AP3B2: variants seen among roughly 807,000 people sequenced by gnomAD.
The protein encoded by AP3B2 is AP-3 complex subunit beta-2.
In AP3B2, 50 loss-of-function variants were observed where a neutral mutation model predicts 126.9. That is an observed-to-expected ratio of 0.39 (90% CI 0.31 to 0.50). The LOEUF is 0.50. Among genes scored for constraint, AP3B2 ranks in the 20% least tolerant of loss-of-function variants. The pLI, the probability that AP3B2 is intolerant of heterozygous loss-of-function variation, is 0.79. For synonymous variants in AP3B2, 541 were observed against 565.0 expected (o/e 0.96, Z 0.60); for missense variants, 1,177 against 1,426.4 (o/e 0.83, Z 2.82).
chr15:82,677,827 C>T (rs777779923), intron 11 of AP3B2, 24 bp from the exon 12 acceptor site: 28 of 1,569,686 alleles, frequency 1.8e-5, no homozygotes, highest in Non-Finnish European at 2.3e-5. Flanking sequence ...CAAAGAAATC[C>T]CTCAGTGACT....
intron 25 of AP3B2, among the ~76,000 whole-genome samples, chr15:82,661,364 G>A (rs966876445): frequency 3.9e-5 from 6 of 152,016 alleles, no homozygotes; most frequent in African/African-American, 9.7e-5. Context: ...CTCCTCCCTT[G>A]CCCAAGCCAC....
chr15:82,689,692 T>C (rs2048491371), intron 1 of AP3B2: 2 of 544,448 alleles, frequency 3.7e-6, no homozygotes, highest in Admixed American at 6.3e-5. Context: ...TCTTAACCCC[T>C]AGTACCTCAG....
intron 14 of AP3B2, among the ~76,000 whole-genome samples, chr15:82,670,307 G>A (rs536648556): frequency 2.0e-5 from 3 of 151,986 alleles, no homozygotes; most frequent in South Asian, 4.1e-4. Context: ...ACAGGGTTTC[G>A]CCATGCTGGC....
At chr15:82,683,400 G>T (rs2151443947) in intron 4 of AP3B2, among the ~76,000 whole-genome samples, 1 of 152,268 alleles carries the variant, frequency 6.6e-6, no homozygotes, top group African/African-American at 2.4e-5. Flanking sequence ...CTCATAAGAA[G>T]CAAGTCCTCA....
rs1005320159 is a variant in AP3B2 at position 82,689,565 on chromosome 15, C to A, written c.114-112G>T. 12 of 986,880 alleles carry A rather than the reference C, an allele frequency of 1.2e-5. No homozygotes were observed. In the Admixed American group the frequency reaches 2.3e-4, roughly 19 times the overall value. The allele number at this position is 986,880 out of a possible 1,614,324, so 61.1% of individuals were successfully genotyped here. On this transcript the variant is annotated intron_variant, in intron 1 of 26. Coordinates refer to ENST00000535359, the MANE Select transcript of AP3B2 (RefSeq NM_001278512.2). ...TGGCCAGGGGAGGCTCAGGCAGGAC[C>A]TGACCCGAGGAGGGACCAGAGCCAG...
At chr15:82,673,519 A>T (rs1478545285) in intron 14 of AP3B2, among the ~76,000 whole-genome samples, 1 of 152,170 alleles carries the variant, frequency 6.6e-6, no homozygotes, top group Non-Finnish European at 1.5e-5. Flanking sequence ...CAGCCTGGAG[A>T]AAATTCTAAG....
At chr15:82,707,015 G>T (rs1014573055) in intron 1 of AP3B2, among the ~76,000 whole-genome samples, 3 of 152,160 alleles carry the variant, frequency 2.0e-5, no homozygotes, top group African/African-American at 7.2e-5. Context: ...TCACTGGATG[G>T]GTAGAGGCCT....
rs1226910164 is a variant in AP3B2 at position 82,700,397 on chromosome 15, C to CTTTTTTTTTTTTTTTTTTTTTTTTTT, written c.113+9196_113+9197insAAAAAAAAAAAAAAAAAAAAAAAAAA. ...CCACTGGCCTGCCAGTGGTGGGTGG[C>CTTTTTTTTTTTTTTTTTTTTTTTTTT]TTTTTTTTTTTTTTTTTTCAGATGG... On this transcript the variant is annotated intron_variant, in intron 1 of 26. Transcript: ENST00000535359. Among the ~76,000 whole-genome samples the CTTTTTTTTTTTTTTTTTTTTTTTTTT allele has an allele frequency of 1.1e-4, 4 of 35,096 alleles. 2 individuals carry two copies. The highest frequency in any genetic ancestry group is 2.0e-4 in the Non-Finnish European group (4 of 19,536). 23.0% of individuals were successfully genotyped at this position (35,096 alleles called of 152,430 possible). A position where few individuals can be genotyped will look rare whatever the true frequency, so the allele number is the denominator to read the frequency against.
Position 82,664,845 on chromosome 15 carries a change from G to A in AP3B2, c.2127C>T (p.Ser709=), listed in dbSNP as rs371390968. The change falls in exon 18 of 27, where the codon TCC becomes TCT. Residue 709 remains serine, a synonymous_variant. Transcript: ENST00000535359. This position sits in a 1 kb window ranked among gnomAD's most constrained non-coding sequence, Gnocchi z 4.5. ...DSEGESGPTE[S]ADSDPESESE... is the part of the protein sequence containing the mutation. The stretch of plus-strand genomic sequence containing the variant: ...CTGCCATCTGCTCACCACTGTCTGC[G>A]GACTCCGTGGGGCCTGACTCCCCCT... 31 of 1,592,488 alleles carry A rather than the reference G, an allele frequency of 1.9e-5. No homozygotes were observed. Among genetic ancestry groups the A allele is most frequent in the Non-Finnish European group, 2.3e-5 (27 of 1,169,112 alleles).
chr15:82,669,936 G>A (rs2048120185), intron 14 of AP3B2, among the ~76,000 whole-genome samples: 2 of 145,500 alleles, frequency 1.4e-5, no homozygotes, highest in South Asian at 4.6e-4. Flanking sequence ...GGGAGGCAGA[G>A]GTTGTGGTGA....
In AP3B2 at chr15:82,659,941, A is replaced by G. The variant is rs1320838616; in HGVS notation, c.3059T>C (p.Leu1020Pro). The G allele has an allele frequency of 3.1e-6, 5 of 1,613,856 alleles. No homozygotes were observed. Among genetic ancestry groups the G allele is most frequent in the Non-Finnish European group, 4.2e-6 (5 of 1,179,888 alleles). Residue 1020 changes from leucine (L) to proline (P), a missense_variant, in exon 26 of 27, where the codon CTG becomes CCG. Physicochemically the swap from Leu to Pro is moderately conservative, Grantham distance 98 (BLOSUM62 -3). Transcript: ENST00000535359. The part of the protein sequence containing the change: ...GMNEITEKLM[L>P]PDTCRSDHIV... ...GTGGTCACTCCGACAGGTGTCTGGC[A>G]GCATGAGTTTCTCTGTGATCTCATT...
At position 82,688,374 on chromosome 15, in the gene AP3B2, G is replaced by A. The variant is rs2151448320; in HGVS notation, c.360+362C>T. On this transcript the variant is annotated intron_variant, in intron 4 of 26. Coordinates refer to ENST00000535359, the MANE Select transcript of AP3B2 (RefSeq NM_001278512.2). ...GCTAAAGGTTGAAATCTACCTGGCT[G>A]TGGACCACAATTCACACCTTTACAC... 3 of 700,334 alleles carry A rather than the reference G, an allele frequency of 4.3e-6. No individual in the cohort carries two copies. The Admixed American group carries it at 6.0e-5, about 14-fold the overall frequency. 43.4% of individuals were successfully genotyped at this position (700,334 alleles called of 1,614,324 possible).
intron 1 of AP3B2, among the ~76,000 whole-genome samples, chr15:82,707,780 C>T (rs1427955396): frequency 6.6e-6 from 1 of 152,140 alleles, no homozygotes; most frequent in Non-Finnish European, 1.5e-5. Context: ...AGGCCATCAC[C>T]AATAATCCTA....
In AP3B2 at chr15:82,659,676, C is replaced by G. The variant is rs959640052; in HGVS notation, c.3190G>C (p.Val1064Leu). Reference sequence around the variant, plus strand: ...GGCCGGGCATCCAGGGTCAGCAGAACGAGGCTTCCACCAGTCAGTGTCCTC... The same window carrying G: ...GGCCGGGCATCCAGGGTCAGCAGAAGGAGGCTTCCACCAGTCAGTGTCCTC... ...AGRTLTGGSLVLLTLDARPAG... is the reference protein window; with the variant it reads ...AGRTLTGGSLLLLTLDARPAG... Residue 1064 changes from valine (V) to leucine (L), a missense_variant, in exon 27 of 27, where the codon GTT becomes CTT. Val to Leu is a conservative substitution (Grantham distance 32). Around this residue, in one of 5 missense-constraint regions of AP3B2, gnomAD observed 587 missense variants for 571.3 expected, o/e 1.03. Transcript: ENST00000535359. 6.2e-7 allele frequency: 1 copy of G among 1,613,872 alleles called. No individual in the cohort carries two copies. The highest frequency in any genetic ancestry group is 1.7e-5 in the Admixed American group (1 of 60,012).
intron 10 of AP3B2, 54 bp downstream of exon 10, chr15:82,679,675 G>A: frequency 6.6e-7 from 1 of 1,522,384 alleles, no homozygotes; most frequent in Non-Finnish European, 9.1e-7. Context: ...TATTTGAGTG[G>A]GTACATGGGG....
chr15:82,663,419 CCT>C, intron 21 of AP3B2, 139 bp downstream of exon 21: 1 of 1,106,196 alleles, frequency 9.0e-7, no homozygotes, highest in Middle Eastern at 2.6e-4. Context: ...GCCCTGCTGC[CCT>C]CTCAGGCCTG....
In AP3B2 at chr15:82,680,307, C is replaced by A; in HGVS notation, c.1056-78G>T. Reference sequence around the variant, plus strand: ...CAGCGGATGAGGGGAAAAGGTGGGGCAAGTCGTTGCGGGGAGAGGACCAGT... The same window carrying A: ...CAGCGGATGAGGGGAAAAGGTGGGGAAAGTCGTTGCGGGGAGAGGACCAGT... On this transcript the variant is annotated intron_variant, in intron 8 of 26. Coordinates refer to ENST00000535359, the MANE Select transcript of AP3B2 (RefSeq NM_001278512.2). This position sits in a 1 kb window ranked among gnomAD's most constrained non-coding sequence, Gnocchi z 6.1. 6.3e-7 allele frequency: 1 copy of A among 1,597,304 alleles called. No homozygotes were observed. The highest frequency in any genetic ancestry group is 1.7e-5 in the Admixed American group (1 of 58,402).
chr15:82,681,156 G>A lies in AP3B2; in HGVS notation c.544C>T (p.Gln182Ter). Residue 182 changes from glutamine to a stop codon, truncating the protein, a stop_gained, in exon 6 of 27, where the codon CAG (glutamine) becomes TAG (stop). Coordinates refer to ENST00000535359, the MANE Select transcript of AP3B2 (RefSeq NM_001278512.2). LOFTEE classifies it high-confidence loss of function. The surrounding 1 kb of genome is among the most constrained non-coding windows in gnomAD (Gnocchi z 4.0). ...LYSLDSDQKDQLIEVIEKLLA... is the reference protein window; with the variant it reads ...LYSLDSDQKD The stretch of plus-strand genomic sequence containing the variant: ...AGCTTCTCAATGACTTCTATCAGCT[G>A]ATCCTTCTGGTCAGAGTCCAAACTG... 6.2e-7 allele frequency: 1 copy of A among 1,612,606 alleles called. No individual in the cohort carries two copies.
Position 82,659,549 on chromosome 15 carries a change from G to C in AP3B2, c.*11C>G. ...ATAGATGGGAGCCAAACAGGTCACAGCATTTGGAAGTCACTGGGTCAGAGC... is the reference window on the plus strand; with the variant it reads ...ATAGATGGGAGCCAAACAGGTCACACCATTTGGAAGTCACTGGGTCAGAGC... On this transcript the variant is annotated 3_prime_UTR_variant, in exon 27 of 27. Coordinates refer to ENST00000535359, the MANE Select transcript of AP3B2 (RefSeq NM_001278512.2). The C allele has an allele frequency of 6.2e-7, 1 of 1,613,396 alleles. No homozygotes were observed. The highest frequency in any genetic ancestry group is 2.2e-5 in the East Asian group (1 of 44,864).
Sources: gnomAD v4.1 joint callset for allele counts (sites outside exome capture counted in the v4.1 genomes callset) on GRCh38, gnomAD v4.1.1 for gene constraint, gnomAD v4.1.1 regional missense constraint, Gnocchi (gnomAD v3.1) non-coding constraint, MANE v1.5 for transcripts, NCBI Gene and HGNC (gene_info 2026-07-23, HGNC 2026-07-21) for gene names.